ZSCAN31: variants seen among roughly 807,000 people sequenced by gnomAD.
ZSCAN31 encodes zinc finger and SCAN domain-containing protein 31.
Under a neutral mutation model 22.5 loss-of-function variants are expected in ZSCAN31, and 14 were observed. The observed-to-expected ratio is 0.62, with a 90% CI of 0.41 to 0.97. The LOEUF (loss-of-function observed/expected upper bound fraction) is 0.97, where lower values mean the gene tolerates loss of function less well. ZSCAN31 is among the 50% of genes least tolerant of loss of function. ZSCAN31 has a pLI of 0.00. For missense variants in ZSCAN31, 424 were observed against 483.4 expected (o/e 0.88, Z 1.15); for synonymous variants, 168 against 169.8 (o/e 0.99, Z 0.08).
rs1322799767 is a variant in ZSCAN31 at position 28,347,145 on chromosome 6, G to A, written c.-370-5353C>T. ...GAGAGGATCAGCTGGAGCCTCTCTT[G>A]TAACTGCACCACAGTTCAACTACTC... On this transcript the variant is annotated intron_variant, in intron 2 of 7. Coordinates refer to the ZSCAN31 transcript ENST00000396838. The surrounding 1 kb of genome is among the most constrained non-coding windows in gnomAD (Gnocchi z 5.2). Among the ~76,000 whole-genome samples, 1 of 152,176 alleles carries A rather than the reference G, an allele frequency of 6.6e-6. No individual in the cohort carries two copies. Among genetic ancestry groups the A allele is most frequent in the Non-Finnish European group, 1.5e-5 (1 of 68,024 alleles).
chr6:28,342,787 C>G (rs1764465646), intron 2 of ZSCAN31, among the ~76,000 whole-genome samples: 1 of 152,226 alleles, frequency 6.6e-6, no homozygotes, highest in South Asian at 2.1e-4. Flanking sequence ...TAAAACATCT[C>G]AAGTCCTTCT....
upstream of ZSCAN31, among the ~76,000 whole-genome samples, chr6:28,340,452 T>A (rs2113848872): frequency 6.6e-6 from 1 of 152,368 alleles, no homozygotes; most frequent in African/African-American, 2.4e-5. Flanking sequence ...TGAGGTTTTA[T>A]AAGGGGTTTC....
intron 1 of ZSCAN31, among the ~76,000 whole-genome samples, chr6:28,334,400 G>A (rs1038933870): frequency 1.3e-5 from 2 of 152,244 alleles, no homozygotes; most frequent in African/African-American, 2.4e-5. Flanking sequence ...GTCCTTCACC[G>A]AAATAAAAAC....
At chr6:28,346,735 G>T (rs900235257) in intron 2 of ZSCAN31, among the ~76,000 whole-genome samples, 5 of 151,932 alleles carry the variant, frequency 3.3e-5, no homozygotes, top group African/African-American at 9.7e-5. Context: ...AGAGTGTTTT[G>T]GTCACCTACA....
At chr6:28,339,858 C>G (rs1764343982), upstream of ZSCAN31, among the ~76,000 whole-genome samples, 1 of 151,742 alleles carries the variant, frequency 6.6e-6, no homozygotes, top group Non-Finnish European at 1.5e-5. Flanking sequence ...CATTTTTTCC[C>G]CTCAAATTTT....
Position 28,329,739 on chromosome 6 carries a change from T to C in ZSCAN31, c.-56A>G. 1 of 1,529,104 alleles carries C rather than the reference T, an allele frequency of 6.5e-7. No homozygotes were observed. Among genetic ancestry groups the C allele is most frequent in the South Asian group, 1.3e-5 (1 of 76,964 alleles). 94.7% of individuals were successfully genotyped at this position (1,529,104 alleles called of 1,614,324 possible). A position where few individuals can be genotyped will look rare whatever the true frequency, so the allele number is the denominator to read the frequency against. On this transcript the variant is annotated 5_prime_UTR_variant, in exon 2 of 4. Transcript: ENST00000344279. ...GCTTTAAGTAAAGGGATAACTGTGA[T>C]TTAAAATTTTCTGATTTAATCTTCC... is the stretch of plus-strand genomic sequence containing the variant.
chr6:28,336,426 G>T (rs1764169147), upstream of ZSCAN31: 1 of 152,244 alleles, frequency 6.6e-6, no homozygotes, highest in African/African-American at 2.4e-5. Context: ...GCGAGTAACA[G>T]GAGGCAATTC....
intron 2 of ZSCAN31, among the ~76,000 whole-genome samples, chr6:28,348,509 T>C (rs758595949): frequency 6.6e-6 from 1 of 152,170 alleles, no homozygotes; most frequent in Non-Finnish European, 1.5e-5. Flanking sequence ...TATTCCTCAC[T>C]GATTTGTAAT....
In ZSCAN31 at chr6:28,326,223, A is replaced by G. The variant is rs1763246115; in HGVS notation, c.1164T>C (p.Phe388=). ...PYQCSQCSKL[F]SKRTLLKKHQ... The stretch of plus-strand genomic sequence containing the variant: ...GTTTCTTAAGAAGTGTCCGCTTACT[A>G]AAGAGTTTACTGCACTGACTGCACT... The change falls in exon 4 of 4, where the codon TTT becomes TTC. Residue 388 remains phenylalanine (F), a synonymous_variant. Coordinates refer to ENST00000344279, the MANE Select transcript of ZSCAN31 (RefSeq NM_030899.5). 3 of 1,613,544 alleles carry G rather than the reference A, an allele frequency of 1.9e-6. No homozygotes were observed. The highest frequency in any genetic ancestry group is 2.7e-5 in the African/African-American group (2 of 74,776).
intron 2 of ZSCAN31, chr6:28,350,339 C>G (rs187823904): frequency 2.0e-5 from 3 of 152,342 alleles, no homozygotes; most frequent in African/African-American, 7.2e-5. Flanking sequence ...GTCACATAGA[C>G]AAGCCTCGAG....
intron 2 of ZSCAN31, chr6:28,353,538 T>C (rs1233172313): frequency 5.2e-6 from 1 of 191,292 alleles, no homozygotes; most frequent in Non-Finnish European, 1.1e-5. Flanking sequence ...ACCTGATGGC[T>C]GGTGCTGTTG....
Position 28,326,158 on chromosome 6 carries a change from C to G in ZSCAN31, c.*8G>C, listed in dbSNP as rs1419364667. On this transcript the variant is annotated 3_prime_UTR_variant, in exon 4 of 4. Transcript: ENST00000344279. ...TGATGACTGAAGGCTTTCCCAAACTCATCACCCTTATGGTCTCTCTCCAGT... is the reference window on the plus strand; with the variant it reads ...TGATGACTGAAGGCTTTCCCAAACTGATCACCCTTATGGTCTCTCTCCAGT... 3.8e-6 allele frequency: 6 copies of G among 1,591,660 alleles called. No individual in the cohort carries two copies. The highest frequency in any genetic ancestry group is 5.1e-6 in the Non-Finnish European group (6 of 1,166,542).
intron 3 of ZSCAN31, chr6:28,341,606 C>T (rs1053353077): frequency 1.3e-5 from 2 of 152,336 alleles, no homozygotes; most frequent in Admixed American, 6.5e-5. Flanking sequence ...GTCAGCCCTT[C>T]CCCCAAGTGG....
chr6:28,339,929 GAAA>G, upstream of ZSCAN31, among the ~76,000 whole-genome samples: 1 of 117,838 alleles, frequency 8.5e-6, no homozygotes, highest in African/African-American at 4.4e-5. Flanking sequence ...GGCATTTGAA[GAAA>G]CTGCAAGTGT....
chr6:28,351,551 T>A lies in ZSCAN31; in HGVS notation c.-371+2311A>T, dbSNP rs1280576850. On this transcript the variant is annotated intron_variant, in intron 2 of 7. Transcript: ENST00000396838. The surrounding 1 kb of genome is among the most constrained non-coding windows in gnomAD (Gnocchi z 4.6). ...CAATGAACACCAATATAACCATGAC[T>A]CAGCTTCAGCCATCATCTTTTGGTC... is the stretch of plus-strand genomic sequence containing the variant. Among the ~76,000 whole-genome samples, 4 of 152,232 alleles carry A rather than the reference T, an allele frequency of 2.6e-5. No individual in the cohort carries two copies. The highest frequency in any genetic ancestry group is 2.0e-4 in the Admixed American group (3 of 15,286).
Position 28,326,092 on chromosome 6 carries a change from C to T in ZSCAN31, c.*74G>A. 7.2e-7 allele frequency: 1 copy of T among 1,392,470 alleles called. No homozygotes were observed. The highest frequency in any genetic ancestry group is 2.3e-5 in the East Asian group (1 of 43,442). 86.3% of individuals were successfully genotyped at this position (1,392,470 alleles called of 1,614,324 possible). A position where few individuals can be genotyped will look rare whatever the true frequency, so the allele number is the denominator to read the frequency against. On this transcript the variant is annotated 3_prime_UTR_variant, in exon 4 of 4. Transcript: ENST00000344279. Reference sequence around the variant, plus strand: ...GGTCCACAGAATTAGTCCAGTTCTGCTGGAACAGTATGGATTCTAAAATGC... The same window carrying T: ...GGTCCACAGAATTAGTCCAGTTCTGTTGGAACAGTATGGATTCTAAAATGC...
At chr6:28,337,951 A>G (rs1405402033), upstream of ZSCAN31, 2 of 152,172 alleles carry the variant, frequency 1.3e-5, no homozygotes, top group African/African-American at 4.8e-5. Context: ...AGTCTCAGCT[A>G]CTGGGGAGGC....
chr6:28,355,517 A>G (rs1765367826), upstream of ZSCAN31: 1 of 152,212 alleles, frequency 6.6e-6, no homozygotes. Flanking sequence ...AGCCCCAGTC[A>G]AAACTATCTG....
chr6:28,325,938 CCA>C lies in ZSCAN31; in HGVS notation c.*226_*227del, dbSNP rs1174790031. 1 of 401,726 alleles carries C rather than the reference CCA, an allele frequency of 2.5e-6. No individual in the cohort carries two copies. Among genetic ancestry groups the C allele is most frequent in the East Asian group, 3.8e-5 (1 of 26,060 alleles). The allele number at this position is 401,726 out of a possible 1,614,324, so 24.9% of individuals were successfully genotyped here. ...AGCAACCCCCTACAATCACAGTCAT[CCA>C]CACAGGAGACACCAACACCTGGTTT... On this transcript the variant is annotated 3_prime_UTR_variant, in exon 4 of 4. Transcript: ENST00000344279.
Sources: allele counts gnomAD v4.1 joint callset (sites outside exome capture counted in the v4.1 genomes callset), GRCh38; gene constraint gnomAD v4.1.1; non-coding constraint Gnocchi (gnomAD v3.1); transcripts MANE v1.5; gene names NCBI Gene and HGNC (gene_info 2026-07-23, HGNC 2026-07-21).